ZBTB45: variants seen among roughly 807,000 people sequenced by gnomAD.
The protein encoded by ZBTB45 is zinc finger and BTB domain containing 45, also known as zinc finger and BTB domain-containing protein 45.
ZBTB45 carries 22 observed loss-of-function variants against 28.4 expected under a neutral mutation model. The ratio of observed to expected loss-of-function variants is 0.77; its 90% CI spans 0.55 to 1.10. The LOEUF (loss-of-function observed/expected upper bound fraction) is 1.10. ZBTB45 is among the 50% of genes least tolerant of loss of function. ZBTB45 has a pLI of 0.00. For missense variants in ZBTB45, 656 were observed against 750.2 expected (o/e 0.87, Z 1.47); for synonymous variants, 361 against 332.3 (o/e 1.09, Z -0.94).
chr19:58,526,534 T>TA (rs2053608360), intron 1 of ZBTB45, among the ~76,000 whole-genome samples: 1 of 74,470 alleles, frequency 1.3e-5, no homozygotes. Context: ...TATTTTTTTT[T>TA]TTTTTTTTTT....
intron 1 of ZBTB45, among the ~76,000 whole-genome samples, chr19:58,533,196 T>C (rs1379041916): frequency 6.6e-6 from 1 of 152,206 alleles, no homozygotes; most frequent in Non-Finnish European, 1.5e-5. Context: ...GGTCTTGAAC[T>C]CCTGATCTCA....
At chr19:58,528,366 T>C (rs2053618509) in intron 1 of ZBTB45, among the ~76,000 whole-genome samples, 2 of 151,942 alleles carry the variant, frequency 1.3e-5, no homozygotes, top group South Asian at 4.2e-4. Flanking sequence ...AAACCGATAC[T>C]AGAGCCTTGC....
intron 1 of ZBTB45, among the ~76,000 whole-genome samples, chr19:58,518,837 C>T (rs2053548859): frequency 6.6e-6 from 1 of 152,124 alleles, no homozygotes; most frequent in Admixed American, 6.5e-5. Context: ...CTGTCTCTCC[C>T]TTGGAGTCAC....
At chr19:58,514,785 A>C (rs1211792627) in intron 2 of ZBTB45, among the ~76,000 whole-genome samples, 1 of 151,910 alleles carries the variant, frequency 6.6e-6, no homozygotes, top group Non-Finnish European at 1.5e-5. Context: ...ACAGGGAGAC[A>C]CTGGGTCCTG....
chr19:58,538,768 C>A (rs1307752944), exon 1 of ZBTB45: 5 of 152,352 alleles, frequency 3.3e-5, no homozygotes, highest in Non-Finnish European at 7.3e-5. Context: ...GGCCTCCAAA[C>A]ATCCTCCGGA....
Position 58,517,380 on chromosome 19 carries a change from T to C in ZBTB45, c.294A>G (p.Glu98=). ...YSGSLVVAQG[E]ALQVLTAASV... is the part of the protein sequence containing the mutation. ...ACGCGGCCGTGAGCACCTGCAGGGC[T>C]TCACCCTGCGCCACAACGAGCGAAC... The change falls in exon 2 of 3, where the codon GAA becomes GAG. Residue 98 remains glutamate (E), a synonymous_variant. Coordinates refer to ENST00000594051, the MANE Select transcript of ZBTB45 (RefSeq NM_001316979.2). 6.2e-7 allele frequency: 1 copy of C among 1,612,754 alleles called. No individual in the cohort carries two copies. Among genetic ancestry groups the C allele is most frequent in the South Asian group, 1.1e-5 (1 of 91,088 alleles).
At chr19:58,535,698 C>T (rs1474673452) in intron 1 of ZBTB45, among the ~76,000 whole-genome samples, 1 of 152,144 alleles carries the variant, frequency 6.6e-6, no homozygotes, top group African/African-American at 2.4e-5. Flanking sequence ...CAAAAACAAA[C>T]AAACAAAATT....
upstream of ZBTB45, among the ~76,000 whole-genome samples, chr19:58,523,147 A>T (rs535694746): frequency 3.3e-5 from 5 of 152,240 alleles, no homozygotes; most frequent in African/African-American, 1.2e-4. Context: ...GAACACAGGA[A>T]GGAGAAAAAC....
intron 1 of ZBTB45, among the ~76,000 whole-genome samples, chr19:58,538,376 G>A (rs2122604113): frequency 6.6e-6 from 1 of 152,250 alleles, no homozygotes; most frequent in Non-Finnish European, 1.5e-5. Context: ...GGAAGCCAGG[G>A]GCCAGGGCGT....
chr19:58,523,166 G>A (rs1276196341), upstream of ZBTB45, among the ~76,000 whole-genome samples: 1 of 152,058 alleles, frequency 6.6e-6, no homozygotes, highest in East Asian at 1.9e-4. Flanking sequence ...ACCAAACCCT[G>A]ACCTCTCTCA....
In ZBTB45 at chr19:58,513,688, G is replaced by C. The variant is rs1269055757; in HGVS notation, c.*366C>G. ...AGGGACCTTGCCCAGCCTGACCCTG[G>C]GGCAGGCAAGCGGCCCCCCAGCCCC... On this transcript the variant is annotated 3_prime_UTR_variant, in exon 3 of 3. Transcript: ENST00000594051. 2 of 227,722 alleles carry C rather than the reference G, an allele frequency of 8.8e-6. No homozygotes were observed. Among genetic ancestry groups the C allele is most frequent in the African/African-American group, 4.5e-5 (2 of 44,100 alleles). 14.1% of individuals were successfully genotyped at this position (227,722 alleles called of 1,614,324 possible). A position where few individuals can be genotyped will look rare whatever the true frequency, so the allele number is the denominator to read the frequency against.
At chr19:58,537,915 G>T (rs2053669161) in intron 1 of ZBTB45, among the ~76,000 whole-genome samples, 1 of 151,008 alleles carries the variant, frequency 6.6e-6, no homozygotes, top group African/African-American at 2.4e-5. Flanking sequence ...TCAGCTCACT[G>T]CAACTTCTGC....
Position 58,514,219 on chromosome 19 carries a change from G to T in ZBTB45, c.1371C>A (p.Arg457=), listed in dbSNP as rs1305412167. The change falls in exon 3 of 3, where the codon CGC becomes CGA. Residue 457 remains arginine (R), a synonymous_variant. Coordinates refer to ENST00000594051, the MANE Select transcript of ZBTB45 (RefSeq NM_001316979.2). ...LKHMVTHTGV[R]AFQCAVCAKR... ...TGGCGCAGACGGCGCACTGGAAGGC[G>T]CGCACGCCGGTGTGCGTGACCATGT... 3 of 1,612,592 alleles carry T rather than the reference G, an allele frequency of 1.9e-6. No homozygotes were observed. Among genetic ancestry groups the T allele is most frequent in the African/African-American group, 1.3e-5 (1 of 75,030 alleles).
chr19:58,534,237 T>C (rs2053648917), intron 1 of ZBTB45, among the ~76,000 whole-genome samples: 1 of 152,154 alleles, frequency 6.6e-6, no homozygotes, highest in African/African-American at 2.4e-5. Flanking sequence ...GGAGTGAGTG[T>C]TAATGGTTAC....
chr19:58,517,485 C>T lies in ZBTB45; in HGVS notation c.189G>A (p.Leu63=), dbSNP rs368790106. The change falls in exon 2 of 3, where the codon CTG becomes CTA. Residue 63 remains leucine (L), a synonymous_variant. Transcript: ENST00000594051. The stretch of plus-strand genomic sequence containing the variant: ...GCACACGGATCTCAGAGTGGCCGAG[C>T]AGCAGCTTGTCTTGGAAGAAGGGTG... ...AGSPFFQDKL[L]LGHSEIRVPP... is the part of the protein sequence containing the mutation. 5.6e-6 allele frequency: 9 copies of T among 1,613,100 alleles called. No individual in the cohort carries two copies. In the African/African-American group the frequency reaches 9.3e-5, roughly 17 times the overall value.
chr19:58,537,028 C>T (rs2053663783), intron 1 of ZBTB45, among the ~76,000 whole-genome samples: 1 of 152,052 alleles, frequency 6.6e-6, no homozygotes, highest in Non-Finnish European at 1.5e-5. Flanking sequence ...GGAGCGGAGC[C>T]AACCAAGGTG....
chr19:58,513,828 A>G lies in ZBTB45; in HGVS notation c.*226T>C. The G allele has an allele frequency of 2.0e-6, 1 of 508,876 alleles. No homozygotes were observed. The highest frequency in any genetic ancestry group is 3.2e-6 in the Non-Finnish European group (1 of 316,756). 31.5% of individuals were successfully genotyped at this position (508,876 alleles called of 1,614,324 possible). A position where few individuals can be genotyped will look rare whatever the true frequency, so the allele number is the denominator to read the frequency against. On this transcript the variant is annotated 3_prime_UTR_variant, in exon 3 of 3. Transcript: ENST00000594051. ...TAGTCCAGTTCTCAGAAGTGGTCTA[A>G]CCAGCCCCAGCCCCAGCCCGGCACC...
chr19:58,527,481 A>G (rs562794118), intron 1 of ZBTB45, among the ~76,000 whole-genome samples: 2 of 152,132 alleles, frequency 1.3e-5, no homozygotes, highest in East Asian at 1.9e-4. Context: ...GACATTTCCT[A>G]TCAGTGGAAT....
At position 58,516,772 on chromosome 19, in the gene ZBTB45, C is replaced by A. The variant is rs768490851; in HGVS notation, c.902G>T (p.Gly301Val). 1.9e-6 allele frequency: 3 copies of A among 1,613,508 alleles called. No individual in the cohort carries two copies. Among genetic ancestry groups the A allele is most frequent in the Middle Eastern group, 1.6e-4 (1 of 6,062 alleles). The change falls in exon 2 of 3, where the codon GGC (glycine) becomes GTC (valine). Residue 301 changes from glycine to valine, a missense_variant. Coordinates refer to ENST00000594051, the MANE Select transcript of ZBTB45 (RefSeq NM_001316979.2). This position sits in a 1 kb window ranked among gnomAD's most constrained non-coding sequence, Gnocchi z 6.2. ...WHDEDGAVPEGCPTETPVQPD... is the reference protein window; with the variant it reads ...WHDEDGAVPEVCPTETPVQPD... Reference sequence around the variant, plus strand: ...CTGGACAGGGGTCTCAGTGGGACAGCCTTCGGGGACAGCGCCATCCTCGTC... The same window carrying A: ...CTGGACAGGGGTCTCAGTGGGACAGACTTCGGGGACAGCGCCATCCTCGTC...
Sources: allele counts gnomAD v4.1 joint callset (sites outside exome capture counted in the v4.1 genomes callset), GRCh38; gene constraint gnomAD v4.1.1; non-coding constraint Gnocchi (gnomAD v3.1); transcripts MANE v1.5; gene names NCBI Gene and HGNC (gene_info 2026-07-23, HGNC 2026-07-21).